Variants in PRKCE observed in about 807,000 individuals in gnomAD.
PRKCE encodes the protein protein kinase C epsilon type.
PRKCE carries 16 observed loss-of-function variants against 85.4 expected under a neutral mutation model. The observed-to-expected ratio is 0.19, with a 90% CI of 0.13 to 0.28. The LOEUF (loss-of-function observed/expected upper bound fraction) is 0.28, where lower values mean the gene tolerates loss of function less well. Ranked by LOEUF, PRKCE falls within the 10% of genes least tolerant of loss-of-function variation. The pLI is 1.00. For missense variants in PRKCE, 573 were observed against 975.2 expected (o/e 0.59, Z 5.49); for synonymous variants, 388 against 371.5 (o/e 1.04, Z -0.51).
At chr2:46,008,259 C>G (rs1006634673) in intron 9 of PRKCE, among the ~76,000 whole-genome samples, 1 of 152,152 alleles carries the variant, frequency 6.6e-6, no homozygotes, top group Admixed American at 6.5e-5. Flanking sequence ...TTCTCCATAT[C>G]CTGTTCCCAC....
At chr2:45,714,155 G>A (rs560226553) in intron 1 of PRKCE, among the ~76,000 whole-genome samples, 5 of 152,226 alleles carry the variant, frequency 3.3e-5, no homozygotes, top group African/African-American at 1.2e-4. Context: ...TGGCAGACAC[G>A]ATAGGCATGG....
intron 2 of PRKCE, among the ~76,000 whole-genome samples, chr2:45,901,123 T>A (rs958471676): frequency 6.6e-6 from 1 of 152,232 alleles, no homozygotes; most frequent in East Asian, 1.9e-4. Flanking sequence ...TCATAAACTC[T>A]ACTATGTATA....
intron 2 of PRKCE, among the ~76,000 whole-genome samples, chr2:45,852,601 C>T (rs906960087): frequency 1.3e-5 from 2 of 152,222 alleles, no homozygotes; most frequent in African/African-American, 4.8e-5. Context: ...TTGGGTCCCA[C>T]TGGCCTGCTC....
intron 10 of PRKCE, among the ~76,000 whole-genome samples, chr2:46,043,642 G>A (rs1708347276): frequency 1.3e-5 from 2 of 152,204 alleles, no homozygotes; most frequent in South Asian, 4.1e-4. Context: ...AGAGGTGGAA[G>A]GGGAGATGGA....
intron 10 of PRKCE, among the ~76,000 whole-genome samples, chr2:46,053,516 C>G (rs1256952448): frequency 2.0e-5 from 3 of 152,190 alleles, no homozygotes; most frequent in Admixed American, 6.5e-5. Context: ...TACCTACCTC[C>G]TTCAGCCCCT....
intron 2 of PRKCE, among the ~76,000 whole-genome samples, chr2:45,968,415 G>A (rs1028665009): frequency 6.6e-6 from 1 of 152,148 alleles, no homozygotes; most frequent in Non-Finnish European, 1.5e-5. Flanking sequence ...TTAAAAGCAG[G>A]AGCTAAGCTA....
intron 2 of PRKCE, among the ~76,000 whole-genome samples, chr2:45,857,471 G>A (rs1023307586): frequency 1.2e-4 from 19 of 152,228 alleles, no homozygotes; most frequent in African/African-American, 4.3e-4. Context: ...AAGCTTTGAC[G>A]ATGTGCCCTA....
chr2:45,683,907 C>G (rs534433709), intron 1 of PRKCE, among the ~76,000 whole-genome samples: 1 of 152,296 alleles, frequency 6.6e-6, no homozygotes, highest in African/African-American at 2.4e-5. Context: ...AATTCTCAAT[C>G]ATTTCTTGTG....
chr2:46,062,834 G>A (rs1322047099), intron 10 of PRKCE, among the ~76,000 whole-genome samples: 1 of 152,026 alleles, frequency 6.6e-6, no homozygotes, highest in Non-Finnish European at 1.5e-5. Flanking sequence ...TCGCTATGTT[G>A]GCCAGGCTGG....
At chr2:46,111,422 A>C (rs1672243578) in intron 11 of PRKCE, among the ~76,000 whole-genome samples, 1 of 152,184 alleles carries the variant, frequency 6.6e-6, no homozygotes, top group South Asian at 2.1e-4. Flanking sequence ...TGCAGTCATC[A>C]CCACAATCAA....
chr2:45,761,231 G>T (rs1317620823), intron 1 of PRKCE, among the ~76,000 whole-genome samples: 1 of 147,718 alleles, frequency 6.8e-6, no homozygotes, highest in African/African-American at 2.5e-5. Context: ...GGAGGCTGAG[G>T]CAGGAGAATG....
At chr2:45,943,935 T>A (rs930856447) in intron 2 of PRKCE, among the ~76,000 whole-genome samples, 6 of 152,200 alleles carry the variant, frequency 3.9e-5, no homozygotes, top group African/African-American at 1.4e-4. Flanking sequence ...GCACAGAGTG[T>A]TTGGTCCACT....
chr2:45,844,515 T>G (rs1220602559), intron 2 of PRKCE, among the ~76,000 whole-genome samples: 2 of 152,142 alleles, frequency 1.3e-5, no homozygotes, highest in Admixed American at 1.3e-4. Flanking sequence ...AATTAAGAAT[T>G]AGAGCAAGCA....
chr2:45,660,787 C>T (rs1675600484), intron 1 of PRKCE, among the ~76,000 whole-genome samples: 2 of 152,192 alleles, frequency 1.3e-5, no homozygotes, highest in African/African-American at 4.8e-5. Flanking sequence ...TAATGCTAAT[C>T]AGCATGGTTG....
intron 1 of PRKCE, among the ~76,000 whole-genome samples, chr2:45,716,644 GAA>G (rs1491215932): frequency 6.8e-6 from 1 of 146,044 alleles, no homozygotes; most frequent in African/African-American, 2.6e-5. Flanking sequence ...AGAAGAAGAA[GAA>G]GAAGAAGGAG....
chr2:45,933,963 T>G (rs1387105058), intron 2 of PRKCE, among the ~76,000 whole-genome samples: 1 of 152,002 alleles, frequency 6.6e-6, no homozygotes, highest in Non-Finnish European at 1.5e-5. Flanking sequence ...TTCTAAAGAG[T>G]TGCATGTGAA....
intron 4 of PRKCE, among the ~76,000 whole-genome samples, chr2:45,979,488 A>G (rs139790706): frequency 6.6e-6 from 1 of 152,292 alleles, no homozygotes; most frequent in East Asian, 1.9e-4. Context: ...ATTAGCTCTT[A>G]AAAATGTAAA....
At chr2:46,086,598 T>A (rs1669660997) in intron 11 of PRKCE, among the ~76,000 whole-genome samples, 1 of 152,198 alleles carries the variant, frequency 6.6e-6, no homozygotes, top group South Asian at 2.1e-4. Context: ...GATTTAAAGC[T>A]CAAGCATGAC....
chr2:45,679,726 G>C (rs1243927063), intron 1 of PRKCE, among the ~76,000 whole-genome samples: 1 of 152,190 alleles, frequency 6.6e-6, no homozygotes, highest in Non-Finnish European at 1.5e-5. Context: ...CAGGGAGCCT[G>C]TAGTCTGCGG....
Sources: allele counts gnomAD v4.1 joint callset (sites outside exome capture counted in the v4.1 genomes callset), GRCh38; gene constraint gnomAD v4.1.1; transcripts MANE v1.5; gene names NCBI Gene and HGNC (gene_info 2026-07-23, HGNC 2026-07-21).